G3BP1: variants seen among roughly 807,000 people sequenced by gnomAD.
G3BP1 encodes G3BP stress granule assembly factor 1, also known as ras GTPase-activating protein-binding protein 1.
A neutral mutation model predicts 58.6 loss-of-function variants in G3BP1; 35 were observed. The observed-to-expected ratio is 0.60, with a 90% confidence interval of 0.46 to 0.79. G3BP1 has a LOEUF of 0.79. Ranked by LOEUF, G3BP1 falls within the 30% of genes least tolerant of loss-of-function variation. The pLI is 0.00. For synonymous variants in G3BP1, 191 were observed against 195.4 expected, an observed-to-expected ratio of 0.98 and a Z score of 0.19; for missense variants, 523 against 580.8, an observed-to-expected ratio of 0.90 and a Z score of 1.02.
At chr5:151,774,749 A>G (rs1218526382) in intron 1 of G3BP1, among the ~76,000 whole-genome samples, 1 of 150,240 alleles carries the variant, frequency 6.7e-6, no homozygotes, top group Non-Finnish European at 1.5e-5. Context: ...CCCGCCCCCC[A>G]GTAATTTGTC....
At chr5:151,785,859 A>C (rs964577231) in intron 1 of G3BP1, among the ~76,000 whole-genome samples, 2 of 152,246 alleles carry the variant, frequency 1.3e-5, no homozygotes, top group African/African-American at 4.8e-5. Flanking sequence ...TATCTGATTT[A>C]GATGGGCCAG....
At chr5:151,790,775 A>G in intron 3 of G3BP1, 114 bp from the exon 4 acceptor site, 1 of 645,316 alleles carries the variant, frequency 1.5e-6, no homozygotes, top group Non-Finnish European at 2.6e-6. Context: ...ATATCCTGTA[A>G]TTTAAATATA....
chr5:151,802,469 C>T (rs933372067), intron 11 of G3BP1, among the ~76,000 whole-genome samples: 4 of 152,266 alleles, frequency 2.6e-5, no homozygotes, highest in South Asian at 2.1e-4. Flanking sequence ...TGTAGCTTAC[C>T]GTTTCAAAGC....
chr5:151,795,383 G>A lies in G3BP1; in HGVS notation c.443-96G>A, dbSNP rs555651537. 13 of 683,156 alleles carry A rather than the reference G, an allele frequency of 1.9e-5. No individual in the cohort carries two copies. The East Asian group carries it at 2.3e-4, about 12-fold the overall frequency. 42.3% of individuals were successfully genotyped at this position (683,156 alleles called of 1,614,324 possible). On this transcript the variant is annotated intron_variant, in intron 5 of 11. Transcript: ENST00000356245. ...TGTCCTACTTTGTTTATTTATATAT[G>A]TTTTTCTTCACTGTTGTTTTGTGAA...
At chr5:151,782,461 G>A (rs983290295) in intron 1 of G3BP1, among the ~76,000 whole-genome samples, 1 of 152,106 alleles carries the variant, frequency 6.6e-6, no homozygotes, top group African/African-American at 2.4e-5. Flanking sequence ...AGTTAGAACT[G>A]GTAAACTCAA....
chr5:151,789,019 C>A (rs1008943646), intron 2 of G3BP1, among the ~76,000 whole-genome samples: 3 of 152,166 alleles, frequency 2.0e-5, no homozygotes, highest in Non-Finnish European at 4.4e-5. Flanking sequence ...AGGTGATCCG[C>A]CCACCTTGGC....
chr5:151,787,736 A>T, intron 2 of G3BP1: 1 of 272,296 alleles, frequency 3.7e-6, no homozygotes, highest in South Asian at 3.2e-5. Flanking sequence ...GCTGGACCAG[A>T]ACTATTTTTT....
chr5:151,784,745 A>T lies in G3BP1; in HGVS notation c.-49-1827A>T, dbSNP rs556089371. On this transcript the variant is annotated intron_variant, in intron 1 of 11. Coordinates refer to ENST00000356245, the MANE Select transcript of G3BP1 (RefSeq NM_005754.3). ...GTACATATTTAGTCATGTGGAATTT[A>T]AAAAAAGTACTGCTACTGTTTCCCT... 5.3e-5 allele frequency among the ~76,000 whole-genome samples: 8 copies of T among 152,224 alleles called. No individual in the cohort carries two copies. In the South Asian group the frequency reaches 1.7e-3, roughly 32 times the overall value.
chr5:151,812,327 A>T lies in G3BP1; in HGVS notation c.*8236A>T, dbSNP rs1763028866. 1 of 152,232 alleles carries T rather than the reference A, an allele frequency of 6.6e-6. No homozygotes were observed. The highest frequency in any genetic ancestry group is 1.5e-5 in the Non-Finnish European group (1 of 68,036). 9.4% of individuals were successfully genotyped at this position (152,232 alleles called of 1,614,324 possible). A position where few individuals can be genotyped will look rare whatever the true frequency, so the allele number is the denominator to read the frequency against. ...CAGGAAACATGCCCTAGCTATTGGAAGTTCGTATCTAACTTTTACCCCTTG... is the reference window on the plus strand; with the variant it reads ...CAGGAAACATGCCCTAGCTATTGGATGTTCGTATCTAACTTTTACCCCTTG... On this transcript the variant is annotated 3_prime_UTR_variant, in exon 12 of 12. Transcript: ENST00000356245.
At chr5:151,776,763 A>G (rs947337158) in intron 1 of G3BP1, among the ~76,000 whole-genome samples, 2 of 151,638 alleles carry the variant, frequency 1.3e-5, no homozygotes, top group African/African-American at 4.8e-5. Flanking sequence ...TTATATTTTT[A>G]TAAAATATCG....
chr5:151,799,352 C>A, intron 8 of G3BP1, 39 bp downstream of exon 8: 1 of 1,006,524 alleles, frequency 9.9e-7, no homozygotes, highest in Non-Finnish European at 1.6e-6. Context: ...GGCAAATTTA[C>A]TTCTATTGTG....
At chr5:151,783,935 G>A (rs1762514896) in intron 1 of G3BP1, among the ~76,000 whole-genome samples, 1 of 151,920 alleles carries the variant, frequency 6.6e-6, no homozygotes, top group Non-Finnish European at 1.5e-5. Context: ...GCTAATTTTT[G>A]TATATTTAGT....
rs1762559144 is a variant in G3BP1, at chr5:151,786,651, G to T, written c.31G>T (p.Val11Phe). The T allele has an allele frequency of 6.2e-7, 1 of 1,613,408 alleles. No homozygotes were observed. The highest frequency in any genetic ancestry group is 1.3e-5 in the African/African-American group (1 of 74,872). Residue 11 changes from valine to phenylalanine, a missense_variant, in exon 2 of 12, where the codon GTC becomes TTC. This residue lies in a region of G3BP1 where 398 missense variants were observed against 399.1 expected (regional missense o/e 1.00). Coordinates refer to ENST00000356245, the MANE Select transcript of G3BP1 (RefSeq NM_005754.3). MVMEKPSPLLVGREFVRQYYT... is the reference protein window; with the variant it reads MVMEKPSPLLFGREFVRQYYT... ...GATGGAGAAGCCTAGTCCCCTGCTG[G>T]TCGGGCGGGAATTTGTGAGACAGTA...
At chr5:151,796,826 G>A (rs978272071) in intron 6 of G3BP1, among the ~76,000 whole-genome samples, 1 of 151,896 alleles carries the variant, frequency 6.6e-6, no homozygotes, top group Non-Finnish European at 1.5e-5. Flanking sequence ...AACTTTTATT[G>A]AAGATAACTT....
At chr5:151,780,029 C>T (rs965589364) in intron 1 of G3BP1, among the ~76,000 whole-genome samples, 1 of 152,212 alleles carries the variant, frequency 6.6e-6, no homozygotes, top group Non-Finnish European at 1.5e-5. Context: ...CAAAATTGTT[C>T]TCCACTGTGG....
At chr5:151,797,533 T>G in intron 7 of G3BP1, 105 bp downstream of exon 7, 1 of 1,226,232 alleles carries the variant, frequency 8.2e-7, no homozygotes, top group Non-Finnish European at 1.1e-6. Flanking sequence ...TACATTTTCA[T>G]ATTGGTGGTT....
chr5:151,773,687 A>G (rs112390139), intron 1 of G3BP1, among the ~76,000 whole-genome samples: 70 of 152,348 alleles, frequency 4.6e-4, no homozygotes, highest in African/African-American at 1.6e-3. Context: ...TAACAGTATT[A>G]TAATAATGTT....
Position 151,776,424 on chromosome 5 carries a change from T to C in G3BP1, c.-50+4388T>C, listed in dbSNP as rs79605503. 4.8e-3 allele frequency among the ~76,000 whole-genome samples: 728 copies of C among 152,146 alleles called. 1 individual carries two copies. The highest frequency in any genetic ancestry group is 7.7e-3 in the Non-Finnish European group (521 of 68,002). ...GCTCTACTTTCTAGAGGGAGGAGAA[T>C]GTGAATTTGTGGAAGTATATTAAAG... On this transcript the variant is annotated intron_variant, in intron 1 of 11. Transcript: ENST00000356245.
chr5:151,787,218 TAAC>T (rs1354737060), intron 2 of G3BP1: 1 of 152,380 alleles, frequency 6.6e-6, no homozygotes, highest in Non-Finnish European at 1.5e-5. Context: ...TATTGGAAAA[TAAC>T]AATTGAAATG....
Sources: gnomAD v4.1 joint callset for allele counts (sites outside exome capture counted in the v4.1 genomes callset) on GRCh38, gnomAD v4.1.1 for gene constraint, gnomAD v4.1.1 regional missense constraint, MANE v1.5 for transcripts, NCBI Gene and HGNC (gene_info 2026-07-23, HGNC 2026-07-21) for gene names.